PCDH11X: variants seen among roughly 807,000 people sequenced by gnomAD.
The protein encoded by PCDH11X is protocadherin 11 X-linked.
A neutral mutation model predicts 53.3 loss-of-function variants in PCDH11X; 18 were observed. The observed-to-expected ratio is 0.34, with a 90% CI of 0.23 to 0.50. PCDH11X has a LOEUF of 0.50. Among genes scored for constraint, PCDH11X ranks in the 20% least tolerant of loss-of-function variants. The probability of loss-of-function intolerance (pLI) is 0.98; values close to 1 mark genes in which losing one functional copy is unlikely to be tolerated. For synonymous variants in PCDH11X, 279 were observed against 393.3 expected, an observed-to-expected ratio of 0.71 and a Z score of 3.44; for missense variants, 570 against 1,032.4, an observed-to-expected ratio of 0.55 and a Z score of 6.14.
intron 6 of PCDH11X, among the ~76,000 whole-genome samples, chrX:92,069,068 C>T (rs113034868): frequency 0.037 from 4,019 of 108,884 alleles, 186 homozygotes; most frequent in African/African-American, 0.13. Flanking sequence ...ATCCTGAAAG[C>T]GGGGTGAAGT....
intron 6 of PCDH11X, among the ~76,000 whole-genome samples, chrX:92,184,677 C>CAT (rs2066059580): frequency 9.0e-6 from 1 of 110,850 alleles, no homozygotes; most frequent in Non-Finnish European, 1.9e-5. Context: ...AAAATAAATC[C>CAT]ATATATATAC....
At chrX:92,208,187 T>G (rs201084994) in intron 7 of PCDH11X, among the ~76,000 whole-genome samples, 6,680 of 50,773 alleles carry the variant, frequency 0.13, 311 homozygotes, top group South Asian at 0.34. Flanking sequence ...AGAGTGAGAC[T>G]CCATCTAAAA....
intron 5 of PCDH11X, among the ~76,000 whole-genome samples, chrX:91,856,915 T>A (rs1569414443): frequency 1.8e-5 from 2 of 111,997 alleles, no homozygotes; most frequent in African/African-American, 6.5e-5. Flanking sequence ...TGAACATACA[T>A]GTGCATGTAT....
intron 9 of PCDH11X, among the ~76,000 whole-genome samples, chrX:92,453,825 T>C (rs1398473278): frequency 9.0e-6 from 1 of 111,139 alleles, no homozygotes; most frequent in African/African-American, 3.3e-5. Context: ...TGTGGTCTTT[T>C]GACTCTTGCT....
chrX:92,247,910 A>G (rs1463972933), intron 7 of PCDH11X, among the ~76,000 whole-genome samples: 3 of 104,837 alleles, frequency 2.9e-5, no homozygotes, highest in Non-Finnish European at 3.8e-5. Flanking sequence ...AGTTGATAGT[A>G]TTGAGACAGG....
At chrX:92,283,264 T>C (rs1461964069) in intron 8 of PCDH11X, among the ~76,000 whole-genome samples, 2 of 111,407 alleles carry the variant, frequency 1.8e-5, no homozygotes. Context: ...AAAAAATTAT[T>C]AATTTGCTTG....
chrX:92,545,466 G>A lies in PCDH11X; in HGVS notation c.3368-72798G>A, dbSNP rs1012493329. Among the ~76,000 whole-genome samples the A allele has an allele frequency of 6.1e-5, 6 of 99,016 alleles. No individual in the cohort carries two copies. The South Asian group carries it at 1.5e-3, about 24-fold the overall frequency. 86.0% of individuals were successfully genotyped at this position (99,016 alleles called of 115,157 possible). ...ACCCAGGCTGGAATGCAGTGGAGCC[G>A]TCTGGGCTCAGTGTAAGCTCCGCTT... On this transcript the variant is annotated intron_variant, in intron 10 of 10. Coordinates refer to ENST00000682573, the MANE Select transcript of PCDH11X (RefSeq NM_032968.5).
chrX:92,117,016 T>C (rs2064653041), intron 6 of PCDH11X, among the ~76,000 whole-genome samples: 1 of 109,366 alleles, frequency 9.1e-6, no homozygotes, highest in Non-Finnish European at 1.9e-5. Flanking sequence ...AAGGCCTCTT[T>C]TGCAATATGA....
chrX:92,160,258 C>T (rs1255813470), intron 6 of PCDH11X, among the ~76,000 whole-genome samples: 2 of 109,105 alleles, frequency 1.8e-5, no homozygotes, highest in Non-Finnish European at 3.8e-5. Flanking sequence ...GTGCACGAAT[C>T]TCCCAAGCAG....
At chrX:91,957,807 T>C (rs1219105420) in intron 6 of PCDH11X, among the ~76,000 whole-genome samples, 2 of 108,223 alleles carry the variant, frequency 1.8e-5, no homozygotes, top group Admixed American at 9.9e-5. Flanking sequence ...GCATGCTGCA[T>C]TGAGGGGCTC....
At chrX:92,439,925 AGT>A (rs1556420497) in intron 9 of PCDH11X, among the ~76,000 whole-genome samples, 1 of 82,301 alleles carries the variant, frequency 1.2e-5, no homozygotes, top group Non-Finnish European at 2.5e-5. Context: ...AATGGAGTAC[AGT>A]TACATTTCAG....
chrX:92,209,716 G>A (rs1393337034), intron 7 of PCDH11X, among the ~76,000 whole-genome samples: 1 of 112,621 alleles, frequency 8.9e-6, no homozygotes, highest in Non-Finnish European at 1.9e-5. Context: ...AGTGGGGACT[G>A]TGTGTGAGGG....
At chrX:91,803,676 C>T (rs967575965) in intron 1 of PCDH11X, among the ~76,000 whole-genome samples, 4 of 111,200 alleles carry the variant, frequency 3.6e-5, no homozygotes, top group Non-Finnish European at 7.6e-5. Flanking sequence ...GTGCATATAT[C>T]ATAAGACTGC....
intron 6 of PCDH11X, among the ~76,000 whole-genome samples, chrX:91,956,082 C>A (rs1323451615): frequency 9.1e-6 from 1 of 110,228 alleles, no homozygotes; most frequent in African/African-American, 3.3e-5. Context: ...GCAACCCCTG[C>A]TTTTTTCTAT....
chrX:92,205,507 C>T (rs569757514), intron 7 of PCDH11X, among the ~76,000 whole-genome samples: 2 of 110,097 alleles, frequency 1.8e-5, no homozygotes, highest in East Asian at 2.9e-4. Flanking sequence ...AGTATGACAT[C>T]AGGTATCACT....
At chrX:92,535,037 G>A (rs2074631320) in intron 10 of PCDH11X, among the ~76,000 whole-genome samples, 2 of 111,828 alleles carry the variant, frequency 1.8e-5, no homozygotes, top group Non-Finnish European at 3.8e-5. Context: ...ATGATGGTAA[G>A]GTTGCAGAGA....
At chrX:91,829,031 CATG>C (rs1199720891) in intron 4 of PCDH11X, among the ~76,000 whole-genome samples, 7 of 110,184 alleles carry the variant, frequency 6.4e-5, no homozygotes, top group African/African-American at 2.0e-4. Flanking sequence ...TAAATTAAGT[CATG>C]CTAGAATATG....
intron 6 of PCDH11X, among the ~76,000 whole-genome samples, chrX:91,932,232 C>G (rs1281920829): frequency 9.1e-6 from 1 of 110,465 alleles, no homozygotes; most frequent in Non-Finnish European, 1.9e-5. Flanking sequence ...CTGTTCTTGA[C>G]CAAAGCTGAG....
chrX:91,983,257 G>A (rs1215245619), intron 6 of PCDH11X: 13 of 849,007 alleles, frequency 1.5e-5, no homozygotes, highest in Admixed American at 6.6e-5. Context: ...CAGTCATCTC[G>A]GTGCCTAGTG....
Sources: allele counts gnomAD v4.1 joint callset (sites outside exome capture counted in the v4.1 genomes callset), GRCh38; gene constraint gnomAD v4.1.1; transcripts MANE v1.5; gene names NCBI Gene and HGNC (gene_info 2026-07-23, HGNC 2026-07-21).